RAD54B: variants seen among roughly 807,000 people sequenced by gnomAD.
RAD54B encodes DNA repair and recombination protein RAD54B.
Under a neutral mutation model 95.8 loss-of-function variants are expected in RAD54B, and 78 were observed. That is an observed-to-expected ratio of 0.81 (90% CI 0.68 to 0.98). The LOEUF is 0.98. Ranked by LOEUF, RAD54B falls within the 50% of genes least tolerant of loss-of-function variation. RAD54B has a pLI of 0.00. For synonymous variants in RAD54B, 328 were observed against 354.9 expected, an observed-to-expected ratio of 0.92 and a Z score of 0.85; for missense variants, 957 against 1,056.6, an observed-to-expected ratio of 0.91 and a Z score of 1.31.
At chr8:94,432,120 G>GA (rs747523000) in intron 3 of RAD54B, 323 of 1,494,546 alleles carry the variant, frequency 2.2e-4, no homozygotes, top group South Asian at 6.8e-4. Flanking sequence ...TTGCAAGATT[G>GA]AAAAAAAAAC....
At chr8:94,440,136 G>A (rs1812365277) in intron 3 of RAD54B, among the ~76,000 whole-genome samples, 1 of 151,746 alleles carries the variant, frequency 6.6e-6, no homozygotes, top group Non-Finnish European at 1.5e-5. Context: ...AAAACCATCT[G>A]ATGAGAATGT....
intron 3 of RAD54B, chr8:94,431,203 T>A: frequency 1.1e-6 from 1 of 934,402 alleles, no homozygotes; most frequent in Non-Finnish European, 1.3e-6. Context: ...ATAAAATACA[T>A]AAAATTTTAA....
chr8:94,438,318 C>G (rs1235519105), intron 3 of RAD54B, among the ~76,000 whole-genome samples: 1 of 152,188 alleles, frequency 6.6e-6, no homozygotes, highest in African/African-American at 2.4e-5. Context: ...CTACGGAATG[C>G]TAGATGTTGT....
At chr8:94,393,256 A>T (rs1286590159) in intron 9 of RAD54B, among the ~76,000 whole-genome samples, 1 of 152,202 alleles carries the variant, frequency 6.6e-6, no homozygotes, top group Non-Finnish European at 1.5e-5. Flanking sequence ...GCCAACGTAC[A>T]TTCCAACCAA....
At chr8:94,401,950 A>C (rs1811276064) in intron 6 of RAD54B, among the ~76,000 whole-genome samples, 1 of 152,224 alleles carries the variant, frequency 6.6e-6, no homozygotes, top group African/African-American at 2.4e-5. Context: ...AGGGTAAATA[A>C]TTACTACACT....
intron 14 of RAD54B, among the ~76,000 whole-genome samples, chr8:94,377,091 G>A (rs1810595311): frequency 6.6e-6 from 1 of 152,022 alleles, no homozygotes; most frequent in African/African-American, 2.4e-5. Context: ...AGCAGCACTA[G>A]CACTTACATC....
intron 11 of RAD54B, among the ~76,000 whole-genome samples, chr8:94,383,942 G>A (rs2129965582): frequency 6.6e-6 from 1 of 152,246 alleles, no homozygotes; most frequent in East Asian, 1.9e-4. Context: ...AAATGGTGCA[G>A]TCCTCTATGA....
chr8:94,432,800 T>C (rs1563655344), intron 3 of RAD54B: 2 of 1,096,522 alleles, frequency 1.8e-6, no homozygotes, highest in South Asian at 2.9e-5. Flanking sequence ...CTTAAACACT[T>C]GAAATACATT....
intron 3 of RAD54B, among the ~76,000 whole-genome samples, chr8:94,447,660 C>T (rs921639733): frequency 2.6e-5 from 4 of 152,146 alleles, no homozygotes; most frequent in Non-Finnish European, 5.9e-5. Context: ...ATTAGAAAAA[C>T]CCCTGGTCAC....
intron 3 of RAD54B, among the ~76,000 whole-genome samples, chr8:94,438,583 T>C (rs1812326399): frequency 1.3e-5 from 2 of 152,192 alleles, no homozygotes; most frequent in African/African-American, 4.8e-5. Context: ...TTTATTTAGA[T>C]AATTATTTTG....
At chr8:94,398,408 T>C (rs1443223874) in intron 8 of RAD54B, among the ~76,000 whole-genome samples, 1 of 151,976 alleles carries the variant, frequency 6.6e-6, no homozygotes, top group African/African-American at 2.4e-5. Context: ...GAGGAGGAGT[T>C]TTCTCCTCTC....
At chr8:94,466,532 G>A (rs532705536) in intron 2 of RAD54B, among the ~76,000 whole-genome samples, 91 of 151,740 alleles carry the variant, frequency 6.0e-4, no homozygotes, top group African/African-American at 1.8e-3. Context: ...CTCAGTCTCC[G>A]GAGTAGCTGG....
chr8:94,377,127 T>A (rs765426975), intron 14 of RAD54B, among the ~76,000 whole-genome samples: 37 of 152,196 alleles, frequency 2.4e-4, no homozygotes, highest in Non-Finnish European at 4.0e-4. Context: ...TGGTGACCTA[T>A]GCTTCTAAGT....
At chr8:94,464,273 G>A (rs1216428767) in intron 2 of RAD54B, among the ~76,000 whole-genome samples, 3 of 152,162 alleles carry the variant, frequency 2.0e-5, no homozygotes, top group Non-Finnish European at 4.4e-5. Context: ...GAAAACCAAA[G>A]AGAAGGAAAC....
At chr8:94,400,551 G>T in intron 6 of RAD54B, 88 bp from the exon 7 acceptor site, 1 of 1,080,346 alleles carries the variant, frequency 9.3e-7, no homozygotes, top group Non-Finnish European at 1.3e-6. Context: ...CTGATATTTT[G>T]TAATGACACT....
At chr8:94,443,134 A>T (rs1436730986) in intron 3 of RAD54B, among the ~76,000 whole-genome samples, 2 of 152,240 alleles carry the variant, frequency 1.3e-5, no homozygotes, top group African/African-American at 4.8e-5. Flanking sequence ...AACAGGGACA[A>T]GACAAAAAAT....
chr8:94,463,269 A>AG (rs1491157513), intron 2 of RAD54B, among the ~76,000 whole-genome samples: 1 of 113,980 alleles, frequency 8.8e-6, no homozygotes, highest in Non-Finnish European at 1.8e-5. Context: ...ACTTCACCTT[A>AG]AAAAAAAAAA....
intron 3 of RAD54B, among the ~76,000 whole-genome samples, chr8:94,421,202 G>A (rs1342309019): frequency 6.6e-6 from 1 of 152,160 alleles, no homozygotes; most frequent in East Asian, 1.9e-4. Flanking sequence ...CCCACAGGTT[G>A]TGTTTTTAGT....
At chr8:94,464,826 G>A (rs938051485) in intron 2 of RAD54B, among the ~76,000 whole-genome samples, 2 of 152,044 alleles carry the variant, frequency 1.3e-5, no homozygotes, top group African/African-American at 4.8e-5. Context: ...TGTTTCTGAT[G>A]AGAGCCTCCA....
Sources: allele counts gnomAD v4.1 joint callset (sites outside exome capture counted in the v4.1 genomes callset), GRCh38; gene constraint gnomAD v4.1.1; transcripts MANE v1.5; gene names NCBI Gene and HGNC (gene_info 2026-07-23, HGNC 2026-07-21).